PPP3CB: variants seen among roughly 807,000 people sequenced by gnomAD.
PPP3CB encodes the protein protein phosphatase 3 catalytic subunit beta.
A neutral mutation model predicts 66.4 loss-of-function variants in PPP3CB; 8 were observed. That is an observed-to-expected ratio of 0.12 (90% CI 0.07 to 0.22). PPP3CB has a LOEUF of 0.22. Among genes scored for constraint, PPP3CB ranks in the 10% least tolerant of loss-of-function variants. The probability of loss-of-function intolerance (pLI) is 1.00; values close to 1 mark genes in which losing one functional copy is unlikely to be tolerated. For synonymous variants in PPP3CB, 208 were observed against 221.2 expected (o/e 0.94, Z 0.53); for missense variants, 319 against 642.5 (o/e 0.50, Z 5.44).
intron 10 of PPP3CB, among the ~76,000 whole-genome samples, chr10:73,447,146 C>T (rs532534720): frequency 1.3e-5 from 2 of 152,268 alleles, no homozygotes; most frequent in South Asian, 2.1e-4. Context: ...AAGGGCCATA[C>T]CAGCATTTCA....
intron 4 of PPP3CB, among the ~76,000 whole-genome samples, chr10:73,474,469 C>T: frequency 6.6e-6 from 1 of 151,852 alleles, no homozygotes; most frequent in East Asian, 1.9e-4. Flanking sequence ...GACTCTATTG[C>T]CCAGGCAATT....
At chr10:73,462,549 T>C (rs1371352088) in intron 9 of PPP3CB, among the ~76,000 whole-genome samples, 1 of 152,062 alleles carries the variant, frequency 6.6e-6, no homozygotes, top group Non-Finnish European at 1.5e-5. Context: ...TGGATTTGAC[T>C]AGACCTAAGA....
intron 8 of PPP3CB, among the ~76,000 whole-genome samples, chr10:73,469,691 A>C (rs1028008631): frequency 1.3e-5 from 2 of 152,222 alleles, no homozygotes; most frequent in Non-Finnish European, 2.9e-5. Context: ...CAAGTGTTTT[A>C]ATCTTTTAAC....
At chr10:73,493,131 C>G (rs978981996) in intron 1 of PPP3CB, among the ~76,000 whole-genome samples, 1 of 152,008 alleles carries the variant, frequency 6.6e-6, no homozygotes, top group African/African-American at 2.4e-5. Flanking sequence ...AAAAAATTAA[C>G]CGGGCATGGT....
chr10:73,481,510 T>C (rs2056878412), intron 1 of PPP3CB, among the ~76,000 whole-genome samples: 1 of 151,088 alleles, frequency 6.6e-6, no homozygotes, highest in South Asian at 2.1e-4. Flanking sequence ...TCTGAGCATA[T>C]AGTATACAGT....
intron 4 of PPP3CB, among the ~76,000 whole-genome samples, chr10:73,473,988 T>C (rs1180567632): frequency 1.3e-5 from 2 of 152,186 alleles, no homozygotes; most frequent in Admixed American, 1.3e-4. Context: ...AAATCTCCAA[T>C]GCAAAATAAC....
chr10:73,448,628 A>G (rs746611386), intron 10 of PPP3CB: 2 of 533,044 alleles, frequency 3.8e-6, no homozygotes, highest in Admixed American at 1.9e-5. Flanking sequence ...TTATGAAGTC[A>G]TATTTCAAAA....
intron 1 of PPP3CB, among the ~76,000 whole-genome samples, chr10:73,492,793 T>C (rs2057099482): frequency 6.6e-6 from 1 of 152,164 alleles, no homozygotes; most frequent in African/African-American, 2.4e-5. Context: ...ATAATTTTAG[T>C]GACAAGCTCA....
At position 73,452,993 on chromosome 10, in the gene PPP3CB, A is replaced by G. The variant is rs574385665; in HGVS notation, c.1186+1419T>C. On this transcript the variant is annotated intron_variant, in intron 10 of 13. Coordinates refer to ENST00000360663, the MANE Select transcript of PPP3CB (RefSeq NM_021132.4). The stretch of plus-strand genomic sequence containing the variant: ...TTTTACTCGAAAAGTGATCAAATGA[A>G]ATGGATAGTTTACACAGTTGGAAAA... Among the ~76,000 whole-genome samples, 6 of 152,380 alleles carry G rather than the reference A, an allele frequency of 3.9e-5. No individual in the cohort carries two copies. The South Asian group carries it at 1.2e-3, about 32-fold the overall frequency.
intron 12 of PPP3CB, chr10:73,444,357 A>G: frequency 2.0e-6 from 1 of 495,754 alleles, no homozygotes; most frequent in East Asian, 3.4e-5. Context: ...TTACATTTCC[A>G]TTTTAGTAAC....
At chr10:73,459,977 G>T (rs1194750087) in intron 9 of PPP3CB, among the ~76,000 whole-genome samples, 1 of 152,060 alleles carries the variant, frequency 6.6e-6, no homozygotes, top group Non-Finnish European at 1.5e-5. Context: ...TGTCAATAAA[G>T]CAGTTATAAA....
At chr10:73,460,796 C>T (rs2056507977) in intron 9 of PPP3CB, among the ~76,000 whole-genome samples, 1 of 152,254 alleles carries the variant, frequency 6.6e-6, no homozygotes, top group Non-Finnish European at 1.5e-5. Flanking sequence ...ACTGCTCCAG[C>T]ACCAGCCACC....
intron 1 of PPP3CB, among the ~76,000 whole-genome samples, chr10:73,492,254 A>G (rs2057091516): frequency 6.6e-6 from 1 of 152,236 alleles, no homozygotes; most frequent in African/African-American, 2.4e-5. Flanking sequence ...TAGGTGCTAA[A>G]ATGAACATAT....
chr10:73,485,609 A>G (rs528135166), intron 1 of PPP3CB, among the ~76,000 whole-genome samples: 1 of 151,662 alleles, frequency 6.6e-6, no homozygotes, highest in Non-Finnish European at 1.5e-5. Context: ...ATACTTCTAA[A>G]TTTTTCTCTG....
At chr10:73,485,269 A>G (rs559944328) in intron 1 of PPP3CB, among the ~76,000 whole-genome samples, 1 of 152,316 alleles carries the variant, frequency 6.6e-6, no homozygotes, top group African/African-American at 2.4e-5. Flanking sequence ...ACAAGGACTG[A>G]AAAACATTTT....
chr10:73,494,308 A>ACAGGGT (rs1162335188), intron 1 of PPP3CB, among the ~76,000 whole-genome samples: 23 of 151,808 alleles, frequency 1.5e-4, no homozygotes, highest in African/African-American at 4.9e-4. Flanking sequence ...GTTTTTGGAG[A>ACAGGGT]CAGGGTCTGG....
chr10:73,449,637 TTC>T (rs752499635), intron 10 of PPP3CB, among the ~76,000 whole-genome samples: 1 of 152,214 alleles, frequency 6.6e-6, no homozygotes, highest in Non-Finnish European at 1.5e-5. Flanking sequence ...TTTTCAAAAA[TTC>T]TCTTTTATGA....
In PPP3CB at chr10:73,462,127, A is replaced by G. The variant is rs550148039; in HGVS notation, c.1108+5426T>C. Among the ~76,000 whole-genome samples the G allele has an allele frequency of 6.7e-5, 10 of 148,796 alleles. 1 individual carries two copies. In the Admixed American group the frequency reaches 6.8e-4, roughly 10 times the overall value. On this transcript the variant is annotated intron_variant, in intron 9 of 13. Coordinates refer to ENST00000360663, the MANE Select transcript of PPP3CB (RefSeq NM_021132.4). ...TGTACAGCCTGCAGAACCACGAGCC[A>G]ATTAAACTCCTTCTTTTTTTTTTTT...
At chr10:73,489,462 C>T (rs2057037754) in intron 1 of PPP3CB, among the ~76,000 whole-genome samples, 2 of 146,766 alleles carry the variant, frequency 1.4e-5, no homozygotes, top group African/African-American at 5.2e-5. Context: ...TGAGTACTTA[C>T]CATGTGCCAG....
Sources: gnomAD v4.1 joint callset for allele counts (sites outside exome capture counted in the v4.1 genomes callset) on GRCh38, gnomAD v4.1.1 for gene constraint, MANE v1.5 for transcripts, NCBI Gene and HGNC (gene_info 2026-07-23, HGNC 2026-07-21) for gene names.